GARS1: variants seen among roughly 807,000 people sequenced by gnomAD.
GARS1 encodes glycyl-tRNA synthetase 1.
Under a neutral mutation model 86.4 loss-of-function variants are expected in GARS1, and 46 were observed. The observed-to-expected ratio is 0.53, with a 90% CI of 0.42 to 0.68. The LOEUF (loss-of-function observed/expected upper bound fraction) is 0.68. GARS1 is among the 30% of genes least tolerant of loss of function. The probability of loss-of-function intolerance (pLI) is 0.00; values close to 1 mark genes in which losing one functional copy is unlikely to be tolerated. For synonymous variants in GARS1, 342 were observed against 329.8 expected (o/e 1.04, Z -0.40); for missense variants, 797 against 915.6 (o/e 0.87, Z 1.67).
At chr7:30,623,032 C>T (rs760765013) in intron 12 of GARS1, among the ~76,000 whole-genome samples, 7 of 148,658 alleles carry the variant, frequency 4.7e-5, no homozygotes, top group Non-Finnish European at 1.0e-4. Flanking sequence ...ACCTGGGAGG[C>T]GGAGCTTGCA....
Position 30,601,182 on chromosome 7 carries a change from C to T in GARS1, c.551C>T (p.Thr184Ile). Residue 184 changes from threonine to isoleucine, a missense_variant, in exon 4 of 17, where the codon ACC becomes ATC. This residue lies in a region of GARS1 where 598 missense variants were observed against 738.7 expected (regional missense o/e 0.81). Transcript: ENST00000389266. ...CTGGAGATCGATTGCACCATGCTCA[C>T]CCCTGAGCCAGTTTTAAAGTGAGAT... ...QILEIDCTML[T>I]PEPVLKTSGH... 6.2e-7 allele frequency: 1 copy of T among 1,613,964 alleles called. No individual in the cohort carries two copies.
Position 30,622,782 on chromosome 7 carries a change from C to T in GARS1, c.1613+320C>T, listed in dbSNP as rs142028521. On this transcript the variant is annotated intron_variant, in intron 12 of 16. Coordinates refer to ENST00000389266, the MANE Select transcript of GARS1 (RefSeq NM_002047.4). The stretch of plus-strand genomic sequence containing the variant: ...CCTTTTTGGAGGTTTAGAATACTCT[C>T]TGTAATTGTTTAAGCATGAATATAA... 7.9e-4 allele frequency: 286 copies of T among 360,034 alleles called. 2 individuals carry two copies. In the East Asian group the frequency reaches 0.017, roughly 21 times the overall value. 22.3% of individuals were successfully genotyped at this position (360,034 alleles called of 1,614,324 possible). A position where few individuals can be genotyped will look rare whatever the true frequency, so the allele number is the denominator to read the frequency against.
At chr7:30,601,973 G>A (rs370103759) in intron 4 of GARS1, among the ~76,000 whole-genome samples, 2 of 151,010 alleles carry the variant, frequency 1.3e-5, no homozygotes, top group African/African-American at 2.4e-5. Context: ...TAGTACAGAC[G>A]GGGTTTCACC....
intron 8 of GARS1, among the ~76,000 whole-genome samples, chr7:30,615,093 C>G (rs1234772320): frequency 6.6e-6 from 1 of 152,164 alleles, no homozygotes; most frequent in Non-Finnish European, 1.5e-5. Flanking sequence ...TCAGAGAAAT[C>G]TCTTTGGGAA....
chr7:30,627,985 C>T (rs2128135794), intron 13 of GARS1, among the ~76,000 whole-genome samples: 1 of 152,268 alleles, frequency 6.6e-6, no homozygotes, highest in East Asian at 1.9e-4. Flanking sequence ...AAGGAATATT[C>T]TAGTACCTCA....
chr7:30,603,417 T>G, intron 5 of GARS1, 79 bp from the exon 6 acceptor site: 12 of 1,171,128 alleles, frequency 1.0e-5, no homozygotes, highest in Non-Finnish European at 1.5e-5. Context: ...GATTTACTTT[T>G]TAATTGTCTA....
chr7:30,624,620 A>C (rs556224279), intron 12 of GARS1, among the ~76,000 whole-genome samples: 52 of 152,342 alleles, frequency 3.4e-4, no homozygotes, highest in Admixed American at 1.5e-3. Context: ...CTGGAAAAAA[A>C]ACACACACAA....
At chr7:30,600,964 T>C in intron 3 of GARS1, 95 bp from the exon 4 acceptor site, 1 of 1,154,296 alleles carries the variant, frequency 8.7e-7, no homozygotes, top group Non-Finnish European at 1.3e-6. Flanking sequence ...TGAATACACT[T>C]TTAGGGAGTA....
chr7:30,611,354 G>A (rs1791593894), intron 7 of GARS1, among the ~76,000 whole-genome samples: 1 of 152,202 alleles, frequency 6.6e-6, no homozygotes, highest in Admixed American at 6.5e-5. Flanking sequence ...GTTTTAATAT[G>A]TGGGTTAACA....
chr7:30,595,390 C>T (rs1037278282), intron 1 of GARS1, among the ~76,000 whole-genome samples: 1 of 152,204 alleles, frequency 6.6e-6, no homozygotes, highest in African/African-American at 2.4e-5. Context: ...CCTCCGACTT[C>T]CTGCGTCCCT....
rs759277467 is a variant in GARS1 at position 30,616,026 on chromosome 7, C to G, written c.1162C>G (p.Arg388Gly). 6.2e-6 allele frequency: 10 copies of G among 1,614,012 alleles called. No individual in the cohort carries two copies. The highest frequency in any genetic ancestry group is 8.5e-6 in the Non-Finnish European group (10 of 1,180,042). Residue 388 changes from arginine to glycine, a missense_variant, in exon 9 of 17, where the codon CGG becomes GGG. Arg to Gly is a moderately radical substitution (Grantham distance 125). Around this residue, in one of 2 missense-constraint regions of GARS1, gnomAD observed 598 missense variants for 738.7 expected, o/e 0.81. Transcript: ENST00000389266. ...AKAQVSGQSA[R>G]KMRLGDAVEQ... ...AGCCCAGGTCAGCGGACAGTCCGCT[C>G]GGAAAATGCGCCTGGGAGATGCTGT...
chr7:30,596,058 T>C, intron 1 of GARS1: 1 of 366,192 alleles, frequency 2.7e-6, no homozygotes, highest in Non-Finnish European at 5.4e-6. Flanking sequence ...ATGATTCCCA[T>C]ATGCAATTAG....
chr7:30,600,079 G>C (rs781029248), intron 3 of GARS1, 30 bp downstream of exon 3: 1 of 1,426,564 alleles, frequency 7.0e-7, no homozygotes, highest in Admixed American at 1.7e-5. Flanking sequence ...AAGAACTATT[G>C]TGTTGTTAGT....
At chr7:30,601,365 C>T (rs1200908495) in intron 4 of GARS1, among the ~76,000 whole-genome samples, 165 bp downstream of exon 4, 5 of 152,228 alleles carry the variant, frequency 3.3e-5, no homozygotes, top group African/African-American at 4.8e-5. Flanking sequence ...CTTCTGCTCA[C>T]AGATAGCTAT....
chr7:30,605,165 C>T (rs1037443483), intron 6 of GARS1, among the ~76,000 whole-genome samples: 15 of 152,170 alleles, frequency 9.9e-5, no homozygotes, highest in East Asian at 3.9e-4. Context: ...CACAGAGTAG[C>T]GTTTTCTGCA....
intron 2 of GARS1, among the ~76,000 whole-genome samples, chr7:30,599,612 A>C (rs921020573): frequency 1.3e-5 from 2 of 152,182 alleles, no homozygotes; most frequent in African/African-American, 4.8e-5. Flanking sequence ...CATGTTGGCC[A>C]GGCTGGGCTT....
At chr7:30,623,302 A>T (rs1198937899) in intron 12 of GARS1, among the ~76,000 whole-genome samples, 1 of 152,158 alleles carries the variant, frequency 6.6e-6, no homozygotes, top group East Asian at 1.9e-4. Flanking sequence ...GTACATAAGG[A>T]TGTTAAAGCA....
At chr7:30,619,703 A>G (rs1782962096) in intron 10 of GARS1, among the ~76,000 whole-genome samples, 1 of 147,118 alleles carries the variant, frequency 6.8e-6, no homozygotes, top group African/African-American at 2.5e-5. Context: ...TGAGTTTTAT[A>G]TTTGCTTGCT....
intron 10 of GARS1, among the ~76,000 whole-genome samples, chr7:30,618,336 A>G (rs1345518237): frequency 6.6e-6 from 1 of 152,080 alleles, no homozygotes; most frequent in Non-Finnish European, 1.5e-5. Context: ...AACAGCTTTT[A>G]AAAAATGTCC....
Sources: gnomAD v4.1 joint callset for allele counts (sites outside exome capture counted in the v4.1 genomes callset) on GRCh38, gnomAD v4.1.1 for gene constraint, gnomAD v4.1.1 regional missense constraint, MANE v1.5 for transcripts, NCBI Gene and HGNC (gene_info 2026-07-23, HGNC 2026-07-21) for gene names.